CHN2: variants seen among roughly 807,000 people sequenced by gnomAD.
The protein encoded by CHN2 is beta-chimaerin.
A neutral mutation model predicts 56.3 loss-of-function variants in CHN2; 35 were observed. That is an observed-to-expected ratio of 0.62 (90% CI 0.47 to 0.82). CHN2 has a LOEUF of 0.82. CHN2 is among the 40% of genes least tolerant of loss of function. The pLI, the probability that CHN2 is intolerant of heterozygous loss-of-function variation, is 0.00. For synonymous variants in CHN2, 210 were observed against 212.8 expected (o/e 0.99, Z 0.12); for missense variants, 491 against 580.5 (o/e 0.85, Z 1.58).
chr7:29,176,591 G>GAAAAGGATT (rs1797376147), intron 2 of CHN2, among the ~76,000 whole-genome samples: 2 of 152,096 alleles, frequency 1.3e-5, no homozygotes, highest in African/African-American at 4.8e-5. Context: ...TTACTACTAA[G>GAAAAGGATT]ACACCCTTAC....
chr7:29,243,796 C>T (rs1787867650), intron 1 of CHN2, among the ~76,000 whole-genome samples: 1 of 152,162 alleles, frequency 6.6e-6, no homozygotes, highest in South Asian at 2.1e-4. Flanking sequence ...GCCAGTATAT[C>T]CTTTCAATGT....
intron 6 of CHN2, among the ~76,000 whole-genome samples, chr7:29,420,696 A>G (rs1804248827): frequency 6.6e-6 from 1 of 152,226 alleles, no homozygotes; most frequent in African/African-American, 2.4e-5. Flanking sequence ...GCAAGATGAA[A>G]AAGTTCTGGA....
At chr7:29,467,579 T>A (rs1359176588) in intron 6 of CHN2, among the ~76,000 whole-genome samples, 1 of 152,238 alleles carries the variant, frequency 6.6e-6, no homozygotes, top group African/African-American at 2.4e-5. Flanking sequence ...CTTTTTATGT[T>A]TCTTGGTACC....
intron 6 of CHN2, among the ~76,000 whole-genome samples, chr7:29,403,341 G>T (rs1238096653): frequency 1.3e-5 from 2 of 151,380 alleles, no homozygotes; most frequent in Non-Finnish European, 2.9e-5. Flanking sequence ...GAGGGTACCT[G>T]TTTGCTTTGC....
intron 1 of CHN2, among the ~76,000 whole-genome samples, chr7:29,213,949 C>T (rs529358539): frequency 4.6e-5 from 7 of 152,122 alleles, no homozygotes; most frequent in South Asian, 2.1e-4. Flanking sequence ...GCAATAATTG[C>T]GCTTTTTAGT....
rs563421223 is a variant in CHN2, at chr7:29,330,496, G to A, written c.50-24129G>A. Among the ~76,000 whole-genome samples, 5 of 152,288 alleles carry A rather than the reference G, an allele frequency of 3.3e-5. No individual in the cohort carries two copies. The South Asian group carries it at 1.0e-3, about 32-fold the overall frequency. On this transcript the variant is annotated intron_variant, in intron 1 of 12. Transcript: ENST00000222792. ...TGCAATTAATGAAGAATTCATGAAG[G>A]TGGCCTTGCTGAAACTTGTCTTTTG...
chr7:29,244,487 T>C (rs1027697312), intron 1 of CHN2, among the ~76,000 whole-genome samples: 20 of 152,342 alleles, frequency 1.3e-4, no homozygotes, highest in Non-Finnish European at 2.8e-4. Context: ...AGGTTTCACC[T>C]CTAGGGGCAG....
chr7:29,192,438 GA>G (rs1215995712), upstream of CHN2: 13 of 152,216 alleles, frequency 8.5e-5, no homozygotes, highest in African/African-American at 3.1e-4. Flanking sequence ...AAATTTCAGA[GA>G]TGAATAATGA....
In CHN2 at chr7:29,398,619, G is replaced by T. The variant is rs1448037558; in HGVS notation, c.290+133G>T. 14 of 633,440 alleles carry T rather than the reference G, an allele frequency of 2.2e-5. 1 individual carries two copies. Among genetic ancestry groups the T allele is most frequent in the South Asian group, 2.2e-4 (12 of 54,432 alleles). 39.2% of individuals were successfully genotyped at this position (633,440 alleles called of 1,614,324 possible). On this transcript the variant is annotated intron_variant, in intron 5 of 12. Transcript: ENST00000222792. ...TTTTCCCATGTTTATGTTATGAGGGGGGGGTCCCACTCTCTCACCCAGGCT... is the reference window on the plus strand; with the variant it reads ...TTTTCCCATGTTTATGTTATGAGGGTGGGGTCCCACTCTCTCACCCAGGCT...
intron 1 of CHN2, among the ~76,000 whole-genome samples, chr7:29,273,347 A>G (rs117728785): frequency 0.19 from 6,989 of 36,128 alleles, 333 homozygotes; most frequent in Admixed American, 0.23. Flanking sequence ...ATATGTGTAT[A>G]TATATATATA....
intron 9 of CHN2, among the ~76,000 whole-genome samples, chr7:29,502,664 T>C (rs990850520): frequency 1.3e-5 from 2 of 152,188 alleles, no homozygotes; most frequent in African/African-American, 4.8e-5. Flanking sequence ...CAGTGAAGCA[T>C]GGGCTAAAGT....
At chr7:29,148,904 A>T (rs1444948231) in intron 2 of CHN2, among the ~76,000 whole-genome samples, 1 of 152,114 alleles carries the variant, frequency 6.6e-6, no homozygotes, top group Non-Finnish European at 1.5e-5. Context: ...CCGAAGAGCC[A>T]GGGGAATCCT....
chr7:29,251,323 A>G (rs552599748), intron 1 of CHN2, among the ~76,000 whole-genome samples: 2 of 152,136 alleles, frequency 1.3e-5, no homozygotes, highest in South Asian at 2.1e-4. Context: ...GTGTGGTGAC[A>G]TGTGCCTGTT....
At chr7:29,348,830 G>GA (rs1298479127) in intron 1 of CHN2, among the ~76,000 whole-genome samples, 1 of 151,934 alleles carries the variant, frequency 6.6e-6, no homozygotes, top group East Asian at 1.9e-4. Flanking sequence ...AATATATACA[G>GA]AAAATTGTAA....
At chr7:29,210,370 T>C (rs1784823776) in intron 1 of CHN2, among the ~76,000 whole-genome samples, 1 of 151,958 alleles carries the variant, frequency 6.6e-6, no homozygotes, top group Admixed American at 6.6e-5. Context: ...ACAAGCCTTT[T>C]GGAATGTGAC....
At chr7:29,152,614 C>G (rs554740579) in intron 2 of CHN2, among the ~76,000 whole-genome samples, 2 of 152,288 alleles carry the variant, frequency 1.3e-5, no homozygotes, top group South Asian at 4.1e-4. Context: ...TTCCCATCCA[C>G]CCCACCCAGA....
At chr7:29,303,254 CCTT>C (rs1793846182) in intron 1 of CHN2, among the ~76,000 whole-genome samples, 1 of 152,208 alleles carries the variant, frequency 6.6e-6, no homozygotes, top group Admixed American at 6.5e-5. Flanking sequence ...TATGGATCAT[CCTT>C]CTTTCCAGAA....
At chr7:29,390,261 G>C (rs9986704) in intron 3 of CHN2, among the ~76,000 whole-genome samples, 133,673 of 152,142 alleles carry the variant, frequency 0.88, 59,065 homozygotes, top group Non-Finnish European at 0.93. Context: ...AGTAATCCGT[G>C]TAACACGACT....
Position 29,439,587 on chromosome 7 carries a change from A to G in CHN2, c.576+38759A>G, listed in dbSNP as rs569947224. On this transcript the variant is annotated intron_variant, in intron 6 of 12. Coordinates refer to ENST00000222792, the MANE Select transcript of CHN2 (RefSeq NM_004067.4). Reference sequence around the variant, plus strand: ...GGCCCTCTTCATCCACATCCCCCATATGACCCTCTGCTGTCTGACATCATC... The same window carrying G: ...GGCCCTCTTCATCCACATCCCCCATGTGACCCTCTGCTGTCTGACATCATC... Among the ~76,000 whole-genome samples the G allele has an allele frequency of 2.6e-5, 4 of 152,082 alleles. No individual in the cohort carries two copies. The East Asian group carries it at 5.8e-4, about 22-fold the overall frequency.
Sources: gnomAD v4.1 joint callset for allele counts (sites outside exome capture counted in the v4.1 genomes callset) on GRCh38, gnomAD v4.1.1 for gene constraint, MANE v1.5 for transcripts, NCBI Gene and HGNC (gene_info 2026-07-23, HGNC 2026-07-21) for gene names.